The following SLC39A14 variants were observed in gnomAD, a reference collection of about 807,000 sequenced individuals.
SLC39A14 encodes the protein solute carrier family 39 member 14.
Under a neutral mutation model 45.5 loss-of-function variants are expected in SLC39A14, and 19 were observed. The observed-to-expected ratio is 0.42, with a 90% CI of 0.29 to 0.61. SLC39A14 has a LOEUF of 0.61. SLC39A14 is among the 20% of genes least tolerant of loss of function. The pLI, the probability that SLC39A14 is intolerant of heterozygous loss-of-function variation, is 0.22. For synonymous variants in SLC39A14, 264 were observed against 251.3 expected, an observed-to-expected ratio of 1.05 and a Z score of -0.48; for missense variants, 447 against 616.5, an observed-to-expected ratio of 0.73 and a Z score of 2.91.
At chr8:22,423,460 C>T (rs929674707), downstream of SLC39A14, among the ~76,000 whole-genome samples, 6 of 151,840 alleles carry the variant, frequency 4.0e-5, no homozygotes, top group South Asian at 4.2e-4. Flanking sequence ...TTCAGCCTCC[C>T]GAGTAGCTGG....
rs1836261489 is a variant in SLC39A14 at position 22,422,115 on chromosome 8, A to AT, written c.*2418dup. 1 of 985,360 alleles carries AT rather than the reference A, an allele frequency of 1.0e-6. No individual in the cohort carries two copies. Among genetic ancestry groups the AT allele is most frequent in the Non-Finnish European group, 1.2e-6 (1 of 829,946 alleles). The allele number at this position is 985,360 out of a possible 1,614,324, so 61.0% of individuals were successfully genotyped here. ...AATTTGCTGTTTCAAGCATTTGTAC[A>AT]TATTAGAAGTCTAAGGAGTAGCAAG... On this transcript the variant is annotated 3_prime_UTR_variant, in exon 9 of 9. Coordinates refer to ENST00000381237, the MANE Select transcript of SLC39A14 (RefSeq NM_001128431.4).
At chr8:22,416,400 A>G (rs956022259) in intron 7 of SLC39A14, 120 bp downstream of exon 7, 1 of 814,048 alleles carries the variant, frequency 1.2e-6, no homozygotes, top group Non-Finnish European at 2.0e-6. Context: ...AACTGATTTA[A>G]CACACTCCTA....
In SLC39A14 at chr8:22,419,952, T is replaced by A; in HGVS notation, c.*254T>A. On this transcript the variant is annotated 3_prime_UTR_variant, in exon 9 of 9. Coordinates refer to ENST00000381237, the MANE Select transcript of SLC39A14 (RefSeq NM_001128431.4). ...CTTTTCTCTCAGTGACTCTGGAACC[T>A]GAATGCAGCTTACAAGACAAGCCTG... 1 of 1,186,524 alleles carries A rather than the reference T, an allele frequency of 8.4e-7. No homozygotes were observed. The highest frequency in any genetic ancestry group is 1.0e-6 in the Non-Finnish European group (1 of 957,326). The allele number at this position is 1,186,524 out of a possible 1,614,324, so 73.5% of individuals were successfully genotyped here.
chr8:22,404,600 A>C, intron 1 of SLC39A14, 96 bp from the exon 2 acceptor site: 1 of 1,140,564 alleles, frequency 8.8e-7, no homozygotes, highest in Non-Finnish European at 1.3e-6. Context: ...AGACTGAGGG[A>C]TAGTCTCAAC....
At position 22,419,777 on chromosome 8, in the gene SLC39A14, A is replaced by G. The variant is rs797017124; in HGVS notation, c.*79A>G. 8.9e-5 allele frequency: 133 copies of G among 1,495,916 alleles called. No homozygotes were observed. Among genetic ancestry groups the G allele is most frequent in the African/African-American group, 8.8e-4 (63 of 71,460 alleles). The allele number at this position is 1,495,916 out of a possible 1,614,324, so 92.7% of individuals were successfully genotyped here. ...CCAGCCCGAGGACTTACCATCCACA[A>G]TGCACCACGGAAGAGGCCGTTCTAT... On this transcript the variant is annotated 3_prime_UTR_variant, in exon 9 of 9. Coordinates refer to ENST00000381237, the MANE Select transcript of SLC39A14 (RefSeq NM_001128431.4).
At chr8:22,380,026 A>T (rs1001612783) in intron 1 of SLC39A14, among the ~76,000 whole-genome samples, 1 of 152,210 alleles carries the variant, frequency 6.6e-6, no homozygotes, top group African/African-American at 2.4e-5. Flanking sequence ...AAATTATTAC[A>T]TACCATTTAC....
intron 1 of SLC39A14, chr8:22,393,125 C>T: frequency 1.2e-6 from 1 of 843,534 alleles, no homozygotes; most frequent in South Asian, 5.4e-5. Flanking sequence ...TGGCCGCCCT[C>T]CTGCACTGTC....
At chr8:22,392,328 T>G (rs1265002853) in intron 1 of SLC39A14, among the ~76,000 whole-genome samples, 1 of 152,088 alleles carries the variant, frequency 6.6e-6, no homozygotes, top group African/African-American at 2.4e-5. Flanking sequence ...CTTTCACAGT[T>G]TAATTGTGCC....
At chr8:22,409,984 CT>C in intron 3 of SLC39A14, 1 of 1,614,080 alleles carries the variant, frequency 6.2e-7, no homozygotes, top group Non-Finnish European at 8.5e-7. Context: ...ACTGATTAAC[CT>C]GGCCTCTCTC....
At position 22,371,414 on chromosome 8, in the gene SLC39A14, C is replaced by CT. The variant is rs373230777; in HGVS notation, c.-16+4043dup. Among the ~76,000 whole-genome samples, 212 of 120,080 alleles carry CT rather than the reference C, an allele frequency of 1.8e-3. 44 individuals are homozygous for CT. Among genetic ancestry groups the CT allele is most frequent in the Non-Finnish European group, 3.0e-3 (150 of 49,452 alleles). The allele number at this position is 120,080 out of a possible 152,430, so 78.8% of individuals were successfully genotyped here. A position where few individuals can be genotyped will look rare whatever the true frequency, so the allele number is the denominator to read the frequency against. The stretch of plus-strand genomic sequence containing the variant: ...GGATATCTAAAAAAAAAATACATGT[C>CT]TTTTTTTTTTTTTTTTTTTTTTTTT... On this transcript the variant is annotated intron_variant, in intron 1 of 8. Coordinates refer to ENST00000381237, the MANE Select transcript of SLC39A14 (RefSeq NM_001128431.4).
chr8:22,395,578 A>G (rs568015923), intron 1 of SLC39A14, among the ~76,000 whole-genome samples: 1 of 152,272 alleles, frequency 6.6e-6, no homozygotes, highest in South Asian at 2.1e-4. Context: ...GACTGGCAGA[A>G]TTTTGTTCTG....
intron 1 of SLC39A14, among the ~76,000 whole-genome samples, chr8:22,377,912 CT>C (rs912684890): frequency 1.3e-5 from 2 of 152,224 alleles, no homozygotes; most frequent in Non-Finnish European, 2.9e-5. Context: ...TCTGTGCCCG[CT>C]CGGCTATGCT....
In SLC39A14 at chr8:22,419,785, C is replaced by T. The variant is rs1836122997; in HGVS notation, c.*87C>T. On this transcript the variant is annotated 3_prime_UTR_variant, in exon 9 of 9. Coordinates refer to ENST00000381237, the MANE Select transcript of SLC39A14 (RefSeq NM_001128431.4). ...AGGACTTACCATCCACAATGCACCA[C>T]GGAAGAGGCCGTTCTATGAAAAACT... 10 of 1,477,554 alleles carry T rather than the reference C, an allele frequency of 6.8e-6. No homozygotes were observed. Among genetic ancestry groups the T allele is most frequent in the Admixed American group, 2.5e-5 (1 of 40,614 alleles). 91.5% of individuals were successfully genotyped at this position (1,477,554 alleles called of 1,614,324 possible). A position where few individuals can be genotyped will look rare whatever the true frequency, so the allele number is the denominator to read the frequency against.
chr8:22,411,832 C>A (rs1457725150), intron 3 of SLC39A14: 2 of 560,650 alleles, frequency 3.6e-6, no homozygotes, highest in Non-Finnish European at 6.3e-6. Flanking sequence ...AGATGTGAAT[C>A]ACTAACAAAT....
intron 2 of SLC39A14, among the ~76,000 whole-genome samples, chr8:22,408,019 A>G (rs1047882405): frequency 6.6e-6 from 1 of 152,158 alleles, no homozygotes; most frequent in Non-Finnish European, 1.5e-5. Flanking sequence ...TTTGGTGACA[A>G]TGATTGGAAT....
rs192504606 is a variant in SLC39A14, at chr8:22,389,059, C to T, written c.-15-15637C>T. Among the ~76,000 whole-genome samples the T allele has an allele frequency of 5.2e-3, 790 of 152,306 alleles. 5 individuals carry two copies. The highest frequency in any genetic ancestry group is 0.018 in the African/African-American group (734 of 41,558). The stretch of plus-strand genomic sequence containing the variant: ...TGGGCTGGAAGGGGCCGGCGCTGAG[C>T]AGCGGCGCTTCTTACCTGTTTTGGT... On this transcript the variant is annotated intron_variant, in intron 1 of 8. Transcript: ENST00000381237.
In SLC39A14 at chr8:22,421,077, A is replaced by T. The variant is rs1447209959; in HGVS notation, c.*1379A>T. Reference sequence around the variant, plus strand: ...CCAGGTTCACTAGGTGAATTGATTTATTATTATCATATTGATAATGTGAGA... The same window carrying T: ...CCAGGTTCACTAGGTGAATTGATTTTTTATTATCATATTGATAATGTGAGA... On this transcript the variant is annotated 3_prime_UTR_variant, in exon 9 of 9. Coordinates refer to ENST00000381237, the MANE Select transcript of SLC39A14 (RefSeq NM_001128431.4). The T allele has an allele frequency of 5.1e-6, 5 of 985,614 alleles. No homozygotes were observed. The Admixed American group carries it at 2.5e-4, about 49-fold the overall frequency. The allele number at this position is 985,614 out of a possible 1,614,324, so 61.1% of individuals were successfully genotyped here. A position where few individuals can be genotyped will look rare whatever the true frequency, so the allele number is the denominator to read the frequency against.
intron 5 of SLC39A14, 41 bp downstream of exon 5, chr8:22,414,943 AACACCC>A (rs1186571929): frequency 3.7e-6 from 6 of 1,603,030 alleles, no homozygotes; most frequent in Non-Finnish European, 4.2e-6. Flanking sequence ...TTCTAGGGAA[AACACCC>A]ATCTCAAACA....
chr8:22,398,050 C>T (rs1471642374), intron 1 of SLC39A14, among the ~76,000 whole-genome samples: 1 of 152,150 alleles, frequency 6.6e-6, no homozygotes, highest in East Asian at 1.9e-4. Flanking sequence ...TTTGAGAAGA[C>T]AGCTGCGGGG....
Sources: gnomAD v4.1 joint callset for allele counts (sites outside exome capture counted in the v4.1 genomes callset) on GRCh38, gnomAD v4.1.1 for gene constraint, MANE v1.5 for transcripts, NCBI Gene and HGNC (gene_info 2026-07-23, HGNC 2026-07-21) for gene names.